Variants in ORC3 observed in about 807,000 individuals in gnomAD.
The protein encoded by ORC3 is homolog of latheo, Drosophila.
ORC3 carries 78 observed loss-of-function variants against 100.7 expected under a neutral mutation model. That is an observed-to-expected ratio of 0.77 (90% CI 0.65 to 0.94). The LOEUF (loss-of-function observed/expected upper bound fraction) is 0.94, where lower values mean the gene tolerates loss of function less well. Among genes scored for constraint, ORC3 ranks in the 40% least tolerant of loss-of-function variants. ORC3 has a pLI of 0.00. For missense variants in ORC3, 789 were observed against 823.9 expected, an observed-to-expected ratio of 0.96 and a Z score of 0.52; for synonymous variants, 295 against 289.3, an observed-to-expected ratio of 1.02 and a Z score of -0.20.
At chr6:87,632,014 A>G (rs1456239202) in intron 11 of ORC3, among the ~76,000 whole-genome samples, 1 of 151,912 alleles carries the variant, frequency 6.6e-6, no homozygotes, top group African/African-American at 2.4e-5. Flanking sequence ...AATACAAAAA[A>G]TTAACCAGGC....
chr6:87,677,515 G>T, the ORC3 span, among the ~76,000 whole-genome samples: 3 of 152,026 alleles, frequency 2.0e-5, no homozygotes, highest in Non-Finnish European at 4.4e-5. Flanking sequence ...TGATGGTAAC[G>T]TTATGAAAAA....
chr6:87,662,623 C>G (rs1413357821), intron 16 of ORC3, among the ~76,000 whole-genome samples: 1 of 152,162 alleles, frequency 6.6e-6, no homozygotes, highest in Non-Finnish European at 1.5e-5. Context: ...TTCTCATTTA[C>G]TTTAAGAAAT....
intron 13 of ORC3, among the ~76,000 whole-genome samples, chr6:87,641,095 T>G (rs1309337678): frequency 6.7e-6 from 1 of 149,446 alleles, no homozygotes; most frequent in Admixed American, 6.7e-5. Flanking sequence ...GGCAACCAAG[T>G]GAGACTCCAT....
intron 9 of ORC3, among the ~76,000 whole-genome samples, chr6:87,620,838 C>G (rs1003084733): frequency 5.9e-5 from 9 of 152,232 alleles, no homozygotes; most frequent in African/African-American, 2.2e-4. Flanking sequence ...CTTATATCTA[C>G]CAGATAGTAC....
chr6:87,598,611 A>T (rs1777641896), intron 2 of ORC3, among the ~76,000 whole-genome samples: 1 of 150,444 alleles, frequency 6.6e-6, no homozygotes, highest in Non-Finnish European at 1.5e-5. Flanking sequence ...AGTAAACCTG[A>T]TGTGTATAAT....
the ORC3 span, chr6:87,677,725 C>T: frequency 1.4e-6 from 2 of 1,409,846 alleles, no homozygotes; most frequent in East Asian, 2.3e-5. Flanking sequence ...GAATATACCG[C>T]ACCAGTGTAT....
chr6:87,612,195 G>T lies in ORC3; in HGVS notation c.820G>T (p.Glu274Ter). Residue 274 changes from glutamate to a stop codon, truncating the protein, a stop_gained, in exon 8 of 20, where the codon GAA becomes TAA. Coordinates refer to ENST00000392844, the MANE Select transcript of ORC3 (RefSeq NM_012381.4). LOFTEE classifies it high-confidence loss of function. ...TGCAGTATCATCTCTATTGTGCATA[G>T]AACTGTTCCAATCTTTGTCTTGTAA... ...PHAVSSLLCI[E>*]LFQSLSCKEH... The T allele has an allele frequency of 1.2e-6, 2 of 1,612,784 alleles. No individual in the cohort carries two copies. The highest frequency in any genetic ancestry group is 1.7e-6 in the Non-Finnish European group (2 of 1,179,338).
intron 8 of ORC3, among the ~76,000 whole-genome samples, chr6:87,615,407 T>G (rs961731096): frequency 2.0e-5 from 3 of 152,214 alleles, no homozygotes; most frequent in African/African-American, 7.2e-5. Context: ...TTATGCTGCT[T>G]ATTTAAGGTA....
At chr6:87,601,922 C>T (rs774276892) in intron 3 of ORC3, 41 bp downstream of exon 3, 44 of 1,140,234 alleles carry the variant, frequency 3.9e-5, no homozygotes, top group Admixed American at 2.4e-4. Flanking sequence ...CACCCTAAGT[C>T]TCATTTTTGT....
intron 13 of ORC3, among the ~76,000 whole-genome samples, chr6:87,642,849 C>T (rs1768382177): frequency 6.6e-6 from 1 of 151,632 alleles, no homozygotes; most frequent in Non-Finnish European, 1.5e-5. Flanking sequence ...TTGCAGTGAG[C>T]CGAGATCGCA....
At chr6:87,594,524 T>G in intron 2 of ORC3, 117 bp downstream of exon 2, 1 of 1,388,822 alleles carries the variant, frequency 7.2e-7, no homozygotes, top group South Asian at 1.9e-5. Context: ...CATGTTGATG[T>G]AGCATTTATG....
chr6:87,608,857 A>G (rs1778533268), intron 6 of ORC3, among the ~76,000 whole-genome samples: 1 of 151,832 alleles, frequency 6.6e-6, no homozygotes, highest in African/African-American at 2.4e-5. Context: ...CTTAGCAGAA[A>G]ATATAAATAT....
chr6:87,631,904 T>G (rs1042847787), intron 11 of ORC3, among the ~76,000 whole-genome samples: 1 of 152,150 alleles, frequency 6.6e-6, no homozygotes, highest in Non-Finnish European at 1.5e-5. Context: ...TCACGCAGTG[T>G]CTAATCCCGA....
At chr6:87,662,126 T>C (rs866241713) in intron 16 of ORC3, among the ~76,000 whole-genome samples, 101 of 152,028 alleles carry the variant, frequency 6.6e-4, no homozygotes, top group African/African-American at 2.3e-3. Context: ...GTAATTCCAA[T>C]ATATAAAAAA....
rs537635030 is a variant in ORC3 at position 87,649,049 on chromosome 6, C to T, written c.1383-4067C>T. Among the ~76,000 whole-genome samples the T allele has an allele frequency of 2.6e-5, 4 of 152,296 alleles. No homozygotes were observed. In the South Asian group the frequency reaches 8.3e-4, roughly 32 times the overall value. ...GCTGGATATTATCAGGCTTAAATAT[C>T]TTTCTTGGTTTTCTTCTAGTATTTT... On this transcript the variant is annotated intron_variant, in intron 13 of 19. Transcript: ENST00000392844.
At chr6:87,672,793 A>C in the ORC3 span, among the ~76,000 whole-genome samples, 1 of 152,174 alleles carries the variant, frequency 6.6e-6, no homozygotes, top group South Asian at 2.1e-4. Flanking sequence ...TTAGTAGTTT[A>C]AACCTCCAAT....
chr6:87,610,039 A>G (rs1778628924), intron 7 of ORC3, among the ~76,000 whole-genome samples: 1 of 152,162 alleles, frequency 6.6e-6, no homozygotes, highest in African/African-American at 2.4e-5. Context: ...GAGACTCAGA[A>G]TTGAAATAAT....
intron 1 of ORC3, among the ~76,000 whole-genome samples, chr6:87,591,116 A>G (rs1240310212): frequency 6.6e-6 from 1 of 152,274 alleles, no homozygotes; most frequent in Non-Finnish European, 1.5e-5. Context: ...CAAGTGCTCA[A>G]TCATCACATG....
intron 12 of ORC3, among the ~76,000 whole-genome samples, chr6:87,635,452 T>G (rs1392911209): frequency 1.3e-5 from 2 of 152,206 alleles, no homozygotes; most frequent in East Asian, 1.9e-4. Context: ...AAATTCTATA[T>G]TCCTAAATCA....
Sources: gnomAD v4.1 joint callset for allele counts (sites outside exome capture counted in the v4.1 genomes callset) on GRCh38, gnomAD v4.1.1 for gene constraint, MANE v1.5 for transcripts, NCBI Gene and HGNC (gene_info 2026-07-23, HGNC 2026-07-21) for gene names.